Variants in TEX11 observed in about 807,000 individuals in gnomAD.
TEX11 encodes the protein testis expressed 11.
A neutral mutation model predicts 84.4 loss-of-function variants in TEX11; 7 were observed. The observed-to-expected ratio is 0.08, with a 90% CI of 0.05 to 0.16. The LOEUF (loss-of-function observed/expected upper bound fraction) is 0.16, where lower values mean the gene tolerates loss of function less well. TEX11 is among the 10% of genes least tolerant of loss of function. TEX11 has a pLI of 1.00. For missense variants in TEX11, 551 were observed against 660.5 expected, an observed-to-expected ratio of 0.83 and a Z score of 1.82; for synonymous variants, 264 against 222.8, an observed-to-expected ratio of 1.18 and a Z score of -1.64.
At chrX:70,643,929 A>G (rs2089701733) in intron 17 of TEX11, among the ~76,000 whole-genome samples, 1 of 106,092 alleles carries the variant, frequency 9.4e-6, no homozygotes, top group South Asian at 4.3e-4. Context: ...ATGGGATCTA[A>G]TTAAACTAAA....
At chrX:70,832,100 C>A (rs941928428) in intron 8 of TEX11, among the ~76,000 whole-genome samples, 1 of 111,225 alleles carries the variant, frequency 9.0e-6, no homozygotes, top group Admixed American at 9.6e-5. Context: ...TCCTGTATAC[C>A]ACCCAATAGG....
chrX:70,664,555 T>C (rs899050622), intron 16 of TEX11, among the ~76,000 whole-genome samples: 1 of 111,757 alleles, frequency 8.9e-6, no homozygotes, highest in Non-Finnish European at 1.9e-5. Context: ...CACACAATGA[T>C]GTGTGATTGA....
chrX:70,630,753 T>C (rs1049177957), intron 17 of TEX11, among the ~76,000 whole-genome samples: 1 of 111,993 alleles, frequency 8.9e-6, no homozygotes, highest in African/African-American at 3.2e-5. Context: ...AAACACATCT[T>C]TTAAATATAT....
intron 20 of TEX11, among the ~76,000 whole-genome samples, chrX:70,611,381 A>T (rs963380668): frequency 8.9e-6 from 1 of 111,899 alleles, no homozygotes; most frequent in African/African-American, 3.3e-5. Context: ...GGAAACTACC[A>T]TGGGAACCAA....
intron 17 of TEX11, among the ~76,000 whole-genome samples, chrX:70,630,610 A>G (rs2089500463): frequency 9.0e-6 from 1 of 111,559 alleles, no homozygotes; most frequent in South Asian, 3.7e-4. Flanking sequence ...AAAAGGAAAA[A>G]GAGCAAATGG....
intron 2 of TEX11, chrX:70,897,680 AAAGAAAGAAAG>A (rs1388913719): frequency 0.053 from 654 of 12,357 alleles, 1 homozygote; most frequent in African/African-American, 0.11. Flanking sequence ...AAAGAAAGAA[AAAGAAAGAAAG>A]AAAGAAAGAA....
chrX:70,571,463 C>A (rs1435022694), intron 25 of TEX11, among the ~76,000 whole-genome samples: 5 of 112,327 alleles, frequency 4.5e-5, no homozygotes, highest in African/African-American at 1.6e-4. Context: ...AACCCTTAAT[C>A]TTTTCTAATA....
chrX:70,515,261 C>T, the TEX11 span, among the ~76,000 whole-genome samples: 1 of 107,663 alleles, frequency 9.3e-6, no homozygotes, highest in Admixed American at 9.8e-5. Flanking sequence ...AATGCTATCC[C>T]TCCTCCACCC....
intron 17 of TEX11, among the ~76,000 whole-genome samples, chrX:70,630,313 GAAA>G (rs367757066): frequency 4.0e-4 from 24 of 60,132 alleles, no homozygotes; most frequent in African/African-American, 6.6e-4. Flanking sequence ...CTCTGTCTCA[GAAA>G]AAAAAAAAAA....
chrX:70,644,421 G>A (rs2089711399), intron 17 of TEX11, among the ~76,000 whole-genome samples: 1 of 104,007 alleles, frequency 9.6e-6, no homozygotes. Context: ...CCCATTACTG[G>A]GTATATACCC....
chrX:70,746,561 G>T (rs1471577080), intron 9 of TEX11, among the ~76,000 whole-genome samples: 1 of 111,990 alleles, frequency 8.9e-6, no homozygotes, highest in South Asian at 3.8e-4. Context: ...AGCTCTAGTC[G>T]TGTGGCACAG....
chrX:70,566,887 C>T (rs898710340), intron 25 of TEX11, among the ~76,000 whole-genome samples: 1 of 111,296 alleles, frequency 9.0e-6, no homozygotes, highest in Non-Finnish European at 1.9e-5. Context: ...TGTCTCTGCC[C>T]GGCTTTGGTA....
chrX:70,597,105 A>C (rs1375059915), intron 24 of TEX11, among the ~76,000 whole-genome samples: 1 of 112,411 alleles, frequency 8.9e-6, no homozygotes, highest in African/African-American at 3.2e-5. Context: ...AAAGTAGTGA[A>C]AAATTTATAA....
In TEX11 at chrX:70,853,138, A is replaced by C; in HGVS notation, c.421T>G (p.Tyr141Asp). ...GAGCTCCTTTGAATTAATTTGACGT[A>C]TAATTGCTCCAGACTCTGGAAAATA... ...QAAVASLEQL[Y>D]VKLIQRSSPE... The change falls in exon 7 of 30, where the codon TAC (tyrosine) becomes GAC (aspartate). Residue 141 changes from tyrosine to aspartate, a missense_variant. By Grantham distance (160) the Tyr-to-Asp change is radical (BLOSUM62 -3). Coordinates refer to ENST00000374333, the MANE Select transcript of TEX11 (RefSeq NM_031276.3). 1 of 1,210,749 alleles carries C rather than the reference A, an allele frequency of 8.3e-7. No individual in the cohort carries two copies.
rs778392256 is a variant in TEX11, at chrX:70,714,602, C to G, written c.1004+8016G>C. ...GGTTTAAAGTCTGTATTATCAGAGA[C>G]TAGGATTGCAACCCCTGCCTTTGTT... On this transcript the variant is annotated intron_variant, in intron 13 of 29. Coordinates refer to ENST00000374333, the MANE Select transcript of TEX11 (RefSeq NM_031276.3). Among the ~76,000 whole-genome samples the G allele has an allele frequency of 3.2e-4, 36 of 111,515 alleles. 1 individual carries two copies. In the South Asian group the frequency reaches 0.012, roughly 38 times the overall value.
At chrX:70,716,761 A>T (rs1435701761) in intron 13 of TEX11, among the ~76,000 whole-genome samples, 2 of 111,934 alleles carry the variant, frequency 1.8e-5, no homozygotes, top group East Asian at 5.7e-4. Context: ...GCTTCAGCTC[A>T]GGCTCAGTGC....
rs997295815 is a variant in TEX11 at position 70,590,326 on chromosome X, C to T, written c.2140+1425G>A. ...TTCCTATAATTTGATACTCAAACTG[C>T]CAAAGACATAACACATAAGCAAAAA... On this transcript the variant is annotated intron_variant, in intron 25 of 29. Coordinates refer to ENST00000374333, the MANE Select transcript of TEX11 (RefSeq NM_031276.3). Among the ~76,000 whole-genome samples the T allele has an allele frequency of 1.9e-4, 21 of 111,302 alleles. No individual in the cohort carries two copies. The Admixed American group carries it at 2.0e-3, about 11-fold the overall frequency.
At chrX:70,785,588 G>C (rs910228000) in intron 9 of TEX11, among the ~76,000 whole-genome samples, 7 of 111,665 alleles carry the variant, frequency 6.3e-5, no homozygotes, top group Admixed American at 1.9e-4. Context: ...GGGCTAATAC[G>C]CAGAATCTAC....
intron 9 of TEX11, among the ~76,000 whole-genome samples, chrX:70,757,508 A>G (rs1436605226): frequency 8.9e-6 from 1 of 111,871 alleles, no homozygotes; most frequent in Non-Finnish European, 1.9e-5. Context: ...AGAATTTCAT[A>G]TCCAGCCAAA....
Sources: allele counts gnomAD v4.1 joint callset (sites outside exome capture counted in the v4.1 genomes callset), GRCh38; gene constraint gnomAD v4.1.1; transcripts MANE v1.5; gene names NCBI Gene and HGNC (gene_info 2026-07-23, HGNC 2026-07-21).